THSD7B: variants seen among roughly 807,000 people sequenced by gnomAD.
THSD7B encodes thrombospondin type-1 domain-containing protein 7B.
THSD7B carries 138 observed loss-of-function variants against 213.6 expected under a neutral mutation model. The ratio of observed to expected loss-of-function variants is 0.65; its 90% CI spans 0.56 to 0.74. THSD7B has a LOEUF of 0.74. Ranked by LOEUF, THSD7B falls within the 30% of genes least tolerant of loss-of-function variation. The probability of loss-of-function intolerance (pLI) is 0.00; values close to 1 mark genes in which losing one functional copy is unlikely to be tolerated. For synonymous variants in THSD7B, 742 were observed against 687.0 expected (o/e 1.08, Z -1.25); for missense variants, 1,931 against 1,991.5 (o/e 0.97, Z 0.58).
intron 2 of THSD7B, among the ~76,000 whole-genome samples, chr2:136,940,227 T>C (rs1684797833): frequency 6.6e-6 from 1 of 152,086 alleles, no homozygotes; most frequent in Non-Finnish European, 1.5e-5. Flanking sequence ...CCCAAGTCCA[T>C]GTGTACACAT....
chr2:137,342,132 A>G (rs759893907), intron 12 of THSD7B, among the ~76,000 whole-genome samples: 3 of 151,662 alleles, frequency 2.0e-5, no homozygotes, highest in Non-Finnish European at 4.4e-5. Context: ...CTTTCAATCC[A>G]TGAGCATGGA....
Position 137,481,251 on chromosome 2 carries a change from A to G in THSD7B, c.3138+30228A>G, listed in dbSNP as rs371576840. 2.0e-5 allele frequency among the ~76,000 whole-genome samples: 3 copies of G among 152,240 alleles called. No homozygotes were observed. The East Asian group carries it at 5.8e-4, about 29-fold the overall frequency. ...AGACTTATGCATACAACTCTTAGTT[A>G]AGACATATACATGCAAATCTTAGTT... On this transcript the variant is annotated intron_variant, in intron 15 of 27. Transcript: ENST00000409968.
intron 5 of THSD7B, among the ~76,000 whole-genome samples, chr2:137,124,880 A>G (rs1384585373): frequency 1.3e-5 from 2 of 152,072 alleles, no homozygotes; most frequent in African/African-American, 4.8e-5. Context: ...CTTAAAGTCT[A>G]CTCTGTTAGC....
intron 10 of THSD7B, among the ~76,000 whole-genome samples, chr2:137,262,392 C>T (rs1245756239): frequency 6.6e-6 from 1 of 151,512 alleles, no homozygotes; most frequent in Non-Finnish European, 1.5e-5. Flanking sequence ...CATTAGGGGA[C>T]CTTGTTGTAG....
At chr2:137,094,333 G>C (rs537067329) in intron 3 of THSD7B, among the ~76,000 whole-genome samples, 20 of 152,296 alleles carry the variant, frequency 1.3e-4, no homozygotes, top group Admixed American at 1.2e-3. Flanking sequence ...TACTTTGGGA[G>C]GCCAAGGTGG....
intron 2 of THSD7B, among the ~76,000 whole-genome samples, chr2:136,932,218 A>T (rs1171273206): frequency 6.6e-6 from 1 of 152,238 alleles, no homozygotes; most frequent in Admixed American, 6.5e-5. Flanking sequence ...AAAGAGTGAG[A>T]TGGAAAGAGG....
chr2:136,848,883 TCA>T (rs1301468163), intron 1 of THSD7B, among the ~76,000 whole-genome samples: 1 of 152,120 alleles, frequency 6.6e-6, no homozygotes. Flanking sequence ...CCCTTCTCTC[TCA>T]GTTTTTAGAC....
chr2:136,948,968 T>A (rs1292743200), intron 2 of THSD7B, among the ~76,000 whole-genome samples: 4 of 152,106 alleles, frequency 2.6e-5, no homozygotes, highest in East Asian at 1.9e-4. Context: ...ATTGGTTTTT[T>A]AAAAAAAATT....
rs777125636 is a variant in THSD7B at position 137,411,865 on chromosome 2, C to T, written c.2952C>T (p.Ser984=). ...GACCTGTTGACCCCTCCTTCTGCAG[C>T]AGCTCTGGTAAGGAGATGGATGGAG... The part of the protein sequence containing the change: ...NGRPVDPSFC[S]SSGYIQEKCV... The change falls in exon 14 of 28, where the codon AGC becomes AGT. Residue 984 remains serine, a synonymous_variant. Coordinates refer to ENST00000409968, the MANE Select transcript of THSD7B (RefSeq NM_001316349.2). The T allele has an allele frequency of 1.9e-6, 3 of 1,613,802 alleles. No individual in the cohort carries two copies. The highest frequency in any genetic ancestry group is 2.2e-5 in the South Asian group (2 of 91,066).
At chr2:136,987,594 T>C (rs1211127860) in intron 2 of THSD7B, among the ~76,000 whole-genome samples, 5 of 152,304 alleles carry the variant, frequency 3.3e-5, no homozygotes, top group East Asian at 3.9e-4. Flanking sequence ...ACTGTACTCA[T>C]GGAAGCTCAT....
At chr2:137,060,398 T>C (rs1436730801) in intron 3 of THSD7B, among the ~76,000 whole-genome samples, 4 of 149,168 alleles carry the variant, frequency 2.7e-5, no homozygotes, top group Non-Finnish European at 4.5e-5. Flanking sequence ...TTTTCAAGGA[T>C]CTTTTTTTTT....
At chr2:137,077,799 T>A (rs554640105) in intron 3 of THSD7B, among the ~76,000 whole-genome samples, 10 of 151,238 alleles carry the variant, frequency 6.6e-5, no homozygotes, top group African/African-American at 2.5e-4. Flanking sequence ...GATGGTAGTT[T>A]CTTTTGCTGT....
At chr2:137,561,599 C>T (rs925292551) in intron 15 of THSD7B, among the ~76,000 whole-genome samples, 30 of 152,112 alleles carry the variant, frequency 2.0e-4, no homozygotes, top group Admixed American at 1.8e-3. Flanking sequence ...GCATCGTTGT[C>T]GTGATGCAGT....
At position 137,019,384 on chromosome 2, in the gene THSD7B, C is replaced by T. The variant is rs114732305; in HGVS notation, c.140-37036C>T. On this transcript the variant is annotated intron_variant, in intron 2 of 27. Coordinates refer to ENST00000409968, the MANE Select transcript of THSD7B (RefSeq NM_001316349.2). Reference sequence around the variant, plus strand: ...ACTGACCACATGGAGTGATCATCTGCTTAAAAATCCTTTTGTGGCTGTCAG... The same window carrying T: ...ACTGACCACATGGAGTGATCATCTGTTTAAAAATCCTTTTGTGGCTGTCAG... Among the ~76,000 whole-genome samples the T allele has an allele frequency of 7.0e-3, 1,066 of 152,304 alleles. 15 individuals carry two copies. Among genetic ancestry groups the T allele is most frequent in the African/African-American group, 0.025 (1,023 of 41,566 alleles).
chr2:137,160,342 A>G lies in THSD7B; in HGVS notation c.1499A>G (p.Asn500Ser), dbSNP rs1173274065. ...GCCTGGGGCCTGTGCATCCATGAAA[A>G]CTGTCATGATCCTCAGGGGAAAAAA... is the stretch of plus-strand genomic sequence containing the variant. The part of the protein sequence containing the change: ...WSAWGLCIHE[N>S]CHDPQGKKGF... Residue 500 changes from asparagine (N) to serine (S), a missense_variant, in exon 6 of 28, where the codon AAC becomes AGC. Coordinates refer to ENST00000409968, the MANE Select transcript of THSD7B (RefSeq NM_001316349.2). 2.5e-6 allele frequency: 4 copies of G among 1,613,230 alleles called. No individual in the cohort carries two copies. Among genetic ancestry groups the G allele is most frequent in the Non-Finnish European group, 3.4e-6 (4 of 1,179,554 alleles).
intron 7 of THSD7B, among the ~76,000 whole-genome samples, chr2:137,173,265 A>T (rs1326426896): frequency 6.6e-6 from 1 of 152,196 alleles, no homozygotes; most frequent in Non-Finnish European, 1.5e-5. Context: ...CATGAAAATA[A>T]TAAGGAGGAT....
At chr2:136,962,403 C>CTTT (rs71400559) in intron 2 of THSD7B, among the ~76,000 whole-genome samples, 2,322 of 100,126 alleles carry the variant, frequency 0.023, 163 homozygotes, top group African/African-American at 0.062. Context: ...AATCTGTTAT[C>CTTT]TTTTTTTTTT....
intron 15 of THSD7B, among the ~76,000 whole-genome samples, chr2:137,495,576 A>ATT (rs1679542426): frequency 2.0e-5 from 3 of 152,114 alleles, no homozygotes; most frequent in Admixed American, 2.0e-4. Flanking sequence ...TAGAGTGAGT[A>ATT]AGTTAGTAAT....
At chr2:137,223,443 T>C (rs1487822159) in intron 7 of THSD7B, among the ~76,000 whole-genome samples, 1 of 152,060 alleles carries the variant, frequency 6.6e-6, no homozygotes, top group African/African-American at 2.4e-5. Flanking sequence ...AGGAGAAACA[T>C]TGAAAACCTG....
Sources: gnomAD v4.1 joint callset for allele counts (sites outside exome capture counted in the v4.1 genomes callset) on GRCh38, gnomAD v4.1.1 for gene constraint, MANE v1.5 for transcripts, NCBI Gene and HGNC (gene_info 2026-07-23, HGNC 2026-07-21) for gene names.